JPH3: variants seen among roughly 807,000 people sequenced by gnomAD.
JPH3 encodes the protein junctophilin 3, also known as junctophilin-3.
A neutral mutation model predicts 59.6 loss-of-function variants in JPH3; 11 were observed. The observed-to-expected ratio is 0.18, with a 90% CI of 0.12 to 0.31. The LOEUF (loss-of-function observed/expected upper bound fraction) is 0.31. Ranked by LOEUF, JPH3 falls within the 10% of genes least tolerant of loss-of-function variation. The pLI, the probability that JPH3 is intolerant of heterozygous loss-of-function variation, is 1.00. For missense variants in JPH3, 1,202 were observed against 1,105.7 expected (o/e 1.09, Z -1.24); for synonymous variants, 673 against 483.6 (o/e 1.39, Z -5.14).
At chr16:87,694,863 C>T (rs1051428126) in intron 4 of JPH3, 12 of 184,424 alleles carry the variant, frequency 6.5e-5, no homozygotes, top group Admixed American at 2.8e-4. Context: ...TGGTGCCCAG[C>T]TTCTCACGCA....
intron 4 of JPH3, among the ~76,000 whole-genome samples, chr16:87,691,730 G>A (rs2033584514): frequency 6.6e-6 from 1 of 152,144 alleles, no homozygotes; most frequent in African/African-American, 2.4e-5. Context: ...GGGTTCCTAA[G>A]ATGCCTCCCC....
At chr16:87,641,713 TG>T (rs1352238108) in intron 1 of JPH3, among the ~76,000 whole-genome samples, 1 of 152,210 alleles carries the variant, frequency 6.6e-6, no homozygotes, top group Non-Finnish European at 1.5e-5. Flanking sequence ...CACCATCTCT[TG>T]GAGTGAGGCA....
At chr16:87,658,350 C>G (rs539590798) in intron 2 of JPH3, among the ~76,000 whole-genome samples, 1 of 152,086 alleles carries the variant, frequency 6.6e-6, no homozygotes, top group Non-Finnish European at 1.5e-5. Context: ...CCCTCTCTCT[C>G]TCCTTCTCCC....
At chr16:87,625,924 G>A (rs1232785969) in intron 1 of JPH3, among the ~76,000 whole-genome samples, 1 of 152,088 alleles carries the variant, frequency 6.6e-6, no homozygotes, top group Non-Finnish European at 1.5e-5. Flanking sequence ...CAAAACTCAG[G>A]GCCTCAAGCC....
At position 87,690,546 on chromosome 16, in the gene JPH3, G is replaced by A. The variant is rs764418039; in HGVS notation, c.2166+20G>A. On this transcript the variant is annotated intron_variant, in intron 4 of 4. Coordinates refer to ENST00000284262, the MANE Select transcript of JPH3 (RefSeq NM_020655.4). ...AGTACGGTGAGTGGGCGGCCACCAG[G>A]CTGGTCCCAGTGGAGGCAACATCCA... is the stretch of plus-strand genomic sequence containing the variant. 6.9e-7 allele frequency: 1 copy of A among 1,452,446 alleles called. No homozygotes were observed. Among genetic ancestry groups the A allele is most frequent in the Non-Finnish European group, 9.1e-7 (1 of 1,102,582 alleles). 90.0% of individuals were successfully genotyped at this position (1,452,446 alleles called of 1,614,324 possible).
At chr16:87,625,868 C>T (rs2031356102) in intron 1 of JPH3, among the ~76,000 whole-genome samples, 2 of 152,092 alleles carry the variant, frequency 1.3e-5, no homozygotes, top group Non-Finnish European at 2.9e-5. Context: ...CATGTTCACC[C>T]CATACCCTCC....
rs565009681 is a variant in JPH3, at chr16:87,636,097, G to A, written c.383-8161G>A. Among the ~76,000 whole-genome samples the A allele has an allele frequency of 1.4e-3, 215 of 152,332 alleles. 1 individual carries two copies. Among genetic ancestry groups the A allele is most frequent in the Non-Finnish European group, 2.4e-3 (166 of 68,030 alleles). ...CTTTGTCCCCCCGACACTGGGTCCT[G>A]TCTTCATGCACACAAGCCGCCTGTT... On this transcript the variant is annotated intron_variant, in intron 1 of 4. Coordinates refer to ENST00000284262, the MANE Select transcript of JPH3 (RefSeq NM_020655.4).
intron 2 of JPH3, chr16:87,653,926 G>A (rs1360211654): frequency 6.6e-6 from 1 of 152,280 alleles, no homozygotes; most frequent in African/African-American, 2.4e-5. Context: ...CCTCCAGGAA[G>A]GCAGCCAGCT....
chr16:87,606,023 A>T (rs551956881), intron 1 of JPH3, among the ~76,000 whole-genome samples: 1 of 152,264 alleles, frequency 6.6e-6, no homozygotes, highest in African/African-American at 2.4e-5. Flanking sequence ...ACTTTTCTGG[A>T]GGGCTCCCAG....
At chr16:87,656,810 G>C (rs1597267796) in intron 2 of JPH3, among the ~76,000 whole-genome samples, 1 of 152,248 alleles carries the variant, frequency 6.6e-6, no homozygotes, top group East Asian at 1.9e-4. Flanking sequence ...AGAGTGGGTG[G>C]CAGAAATGCA....
intron 1 of JPH3, among the ~76,000 whole-genome samples, chr16:87,629,069 G>C (rs1229460184): frequency 1.3e-5 from 2 of 152,022 alleles, no homozygotes; most frequent in African/African-American, 2.4e-5. Context: ...TAACGCTGTG[G>C]GGGGGGCCCA....
At chr16:87,632,519 A>T (rs1567589906) in intron 1 of JPH3, among the ~76,000 whole-genome samples, 1 of 152,194 alleles carries the variant, frequency 6.6e-6, no homozygotes, top group Non-Finnish European at 1.5e-5. Flanking sequence ...CGATCACCGC[A>T]GCCTCAATCT....
chr16:87,636,767 C>G (rs76053971), intron 1 of JPH3, among the ~76,000 whole-genome samples: 2,328 of 152,352 alleles, frequency 0.015, 27 homozygotes, highest in African/African-American at 0.031. Context: ...CGGCGACCCT[C>G]ATTACACTGT....
chr16:87,666,721 A>C (rs1158003009), intron 2 of JPH3, among the ~76,000 whole-genome samples: 1 of 152,206 alleles, frequency 6.6e-6, no homozygotes, highest in Non-Finnish European at 1.5e-5. Context: ...AGGATGAGCC[A>C]CGGTGCATGG....
chr16:87,602,682 C>T lies in JPH3; in HGVS notation c.-465C>T, dbSNP rs2030281677. On this transcript the variant is annotated 5_prime_UTR_variant, in exon 1 of 5. Coordinates refer to ENST00000284262, the MANE Select transcript of JPH3 (RefSeq NM_020655.4). ...TGCCGCCGCCGCCGCCCGCGGGCCC[C>T]GCCGCCGCCCTCGGGCGCCCGCAGC... is the stretch of plus-strand genomic sequence containing the variant. Among the ~76,000 whole-genome samples the T allele has an allele frequency of 7.1e-6, 1 of 139,934 alleles. No individual in the cohort carries two copies. Among genetic ancestry groups the T allele is most frequent in the Non-Finnish European group, 1.6e-5 (1 of 63,152 alleles). The allele number at this position is 139,934 out of a possible 152,430, so 91.8% of individuals were successfully genotyped here. A position where few individuals can be genotyped will look rare whatever the true frequency, so the allele number is the denominator to read the frequency against.
At chr16:87,601,948 C>G (rs573572698), upstream of JPH3, 5 of 152,842 alleles carry the variant, frequency 3.3e-5, no homozygotes, top group East Asian at 1.9e-4. Context: ...CCCCTCCCCC[C>G]ACTCTTGGAC....
intron 3 of JPH3, among the ~76,000 whole-genome samples, chr16:87,684,661 T>C (rs2033374148): frequency 6.6e-6 from 1 of 152,208 alleles, no homozygotes. Context: ...ATTAGCTGGG[T>C]GTGTCTGCGG....
chr16:87,626,235 C>T (rs140556765), intron 1 of JPH3, among the ~76,000 whole-genome samples: 3 of 152,246 alleles, frequency 2.0e-5, no homozygotes, highest in African/African-American at 7.2e-5. Context: ...CATTTTTATC[C>T]TGTGATATTT....
intron 1 of JPH3, among the ~76,000 whole-genome samples, chr16:87,638,960 G>C (rs1394343842): frequency 6.6e-6 from 1 of 152,260 alleles, no homozygotes; most frequent in South Asian, 2.1e-4. Flanking sequence ...GGGTAGCCTT[G>C]GCACCTGGGG....
Sources: gnomAD v4.1 joint callset for allele counts (sites outside exome capture counted in the v4.1 genomes callset) on GRCh38, gnomAD v4.1.1 for gene constraint, MANE v1.5 for transcripts, NCBI Gene and HGNC (gene_info 2026-07-23, HGNC 2026-07-21) for gene names.